The following AHCTF1 variants were observed in gnomAD, a reference collection of about 807,000 sequenced individuals.
AHCTF1 encodes the protein protein ELYS.
In AHCTF1, 24 loss-of-function variants were observed where a neutral mutation model predicts 248.4. The observed-to-expected ratio is 0.10, with a 90% confidence interval of 0.07 to 0.14. The LOEUF (loss-of-function observed/expected upper bound fraction) is 0.14, where lower values mean the gene tolerates loss of function less well. Ranked by LOEUF, AHCTF1 falls within the 10% of genes least tolerant of loss-of-function variation. The probability of loss-of-function intolerance (pLI) is 1.00; values close to 1 mark genes in which losing one functional copy is unlikely to be tolerated. For synonymous variants in AHCTF1, 786 were observed against 929.8 expected, an observed-to-expected ratio of 0.85 and a Z score of 2.81; for missense variants, 2,206 against 2,636.2, an observed-to-expected ratio of 0.84 and a Z score of 3.57.
At chr1:246,844,014 T>A in intron 33 of AHCTF1, 86 bp from the exon 34 acceptor site, 1 of 1,012,570 alleles carries the variant, frequency 9.9e-7, no homozygotes, top group Non-Finnish European at 1.3e-6. Flanking sequence ...ACAAATTATG[T>A]GTTTTAGAAA....
At chr1:246,921,855 G>A (rs1428913490) in intron 1 of AHCTF1, among the ~76,000 whole-genome samples, 1 of 152,254 alleles carries the variant, frequency 6.6e-6, no homozygotes, top group East Asian at 1.9e-4. Flanking sequence ...GAAGGCTTCA[G>A]GTAGAATAGA....
chr1:246,869,781 T>C lies in AHCTF1; in HGVS notation c.3089-1970A>G, dbSNP rs183267333. Among the ~76,000 whole-genome samples, 252 of 152,296 alleles carry C rather than the reference T, an allele frequency of 1.7e-3. 1 individual carries two copies. Among genetic ancestry groups the C allele is most frequent in the African/African-American group, 6.0e-3 (248 of 41,560 alleles). On this transcript the variant is annotated intron_variant, in intron 24 of 35. Coordinates refer to ENST00000648844, the MANE Select transcript of AHCTF1 (RefSeq NM_001323342.2). ...GCCCCTGGTCACCCAGGAGCCCTGA[T>C]GATGTACAGGGAGACGAATGCTGTT...
rs149307588 is a variant in AHCTF1, at chr1:246,857,179, T to A, written c.4256+512A>T. ...CTTGTTGCAGAACATAAACTGACAC[T>A]CTCACCAATCTGCTTGACCATACTT... is the stretch of plus-strand genomic sequence containing the variant. On this transcript the variant is annotated intron_variant, in intron 30 of 35. Transcript: ENST00000648844. Among the ~76,000 whole-genome samples, 593 of 152,324 alleles carry A rather than the reference T, an allele frequency of 3.9e-3. 3 individuals carry two copies. The highest frequency in any genetic ancestry group is 0.013 in the African/African-American group (541 of 41,560).
Position 246,889,983 on chromosome 1 carries a change from C to T in AHCTF1, c.2127G>A (p.Lys709=). 1 of 1,611,674 alleles carries T rather than the reference C, an allele frequency of 6.2e-7. No individual in the cohort carries two copies. Among genetic ancestry groups the T allele is most frequent in the Non-Finnish European group, 8.5e-7 (1 of 1,179,156 alleles). Residue 709 remains lysine, a synonymous_variant, in exon 17 of 36, where the codon AAG becomes AAA. Transcript: ENST00000648844. ...IQNYYTSRRQ[K]FERLSRGKWN... is the part of the protein sequence containing the mutation. ...TACTATACCTTGATAAACGCTCAAA[C>T]TTCTGTCGACGACTGGTGTAGTAGT...
At chr1:246,918,223 G>C in intron 2 of AHCTF1, 27 bp downstream of exon 2, 1 of 1,585,350 alleles carries the variant, frequency 6.3e-7, no homozygotes, top group Non-Finnish European at 8.6e-7. Context: ...AATTGTATTA[G>C]TAAATGTTCA....
chr1:246,917,105 T>C (rs1480335272), intron 2 of AHCTF1, among the ~76,000 whole-genome samples: 1 of 152,196 alleles, frequency 6.6e-6, no homozygotes, highest in Non-Finnish European at 1.5e-5. Flanking sequence ...TGTTTTTAAA[T>C]GTTACTCCAG....
At chr1:246,890,560 G>T (rs1292964874) in intron 16 of AHCTF1, among the ~76,000 whole-genome samples, 2 of 151,850 alleles carry the variant, frequency 1.3e-5, no homozygotes, top group African/African-American at 2.4e-5. Flanking sequence ...TAGATAAAAG[G>T]GGGTATTTAA....
At chr1:246,885,924 C>T (rs1007241381) in intron 20 of AHCTF1, among the ~76,000 whole-genome samples, 5 of 152,156 alleles carry the variant, frequency 3.3e-5, no homozygotes, top group Non-Finnish European at 5.9e-5. Context: ...CGGTGGCTCA[C>T]GCCTGTAATC....
At chr1:246,888,145 C>A in intron 19 of AHCTF1, 32 bp downstream of exon 19, 3 of 1,605,146 alleles carry the variant, frequency 1.9e-6, no homozygotes, top group Non-Finnish European at 2.6e-6. Context: ...TTTAGTAATA[C>A]ATGAAACACT....
At chr1:246,922,818 T>TA (rs1331270967) in intron 1 of AHCTF1, among the ~76,000 whole-genome samples, 1 of 149,954 alleles carries the variant, frequency 6.7e-6, no homozygotes, top group Non-Finnish European at 1.5e-5. Flanking sequence ...CTGTCTCTAC[T>TA]AAAAATACAA....
intron 34 of AHCTF1, 41 bp downstream of exon 34, chr1:246,843,754 A>G: frequency 4.8e-6 from 6 of 1,255,342 alleles, no homozygotes; most frequent in Non-Finnish European, 5.2e-6. Flanking sequence ...AAAAAAAAGT[A>G]TGTTTTAACA....
chr1:246,856,204 G>A (rs1661100401), intron 30 of AHCTF1, among the ~76,000 whole-genome samples: 1 of 152,122 alleles, frequency 6.6e-6, no homozygotes, highest in African/African-American at 2.4e-5. Flanking sequence ...TAGAGGCAAG[G>A]TTCAATATTT....
In AHCTF1 at chr1:246,905,194, A is replaced by G. The variant is rs544453844; in HGVS notation, c.881+347T>C. ...TAGACTACCTGTTCTATTTTTGACT[A>G]ATTTTTAAAGATTGTATGTATCAGG... On this transcript the variant is annotated intron_variant, in intron 6 of 35. Transcript: ENST00000648844. Among the ~76,000 whole-genome samples the G allele has an allele frequency of 2.3e-3, 350 of 152,310 alleles. 2 individuals are homozygous for G. Among genetic ancestry groups the G allele is most frequent in the Non-Finnish European group, 3.7e-3 (254 of 68,034 alleles).
At chr1:246,842,320 A>T (rs1330328949) in intron 35 of AHCTF1, among the ~76,000 whole-genome samples, 2 of 152,080 alleles carry the variant, frequency 1.3e-5, no homozygotes, top group African/African-American at 4.8e-5. Context: ...AGTGGCTCAC[A>T]CCTGTCATCC....
In AHCTF1 at chr1:246,857,730, C is replaced by T. The variant is rs1371660443; in HGVS notation, c.4217G>A (p.Gly1406Glu). 6.2e-7 allele frequency: 1 copy of T among 1,613,820 alleles called. No individual in the cohort carries two copies. The highest frequency in any genetic ancestry group is 8.5e-7 in the Non-Finnish European group (1 of 1,179,994). ...SELNHLSPVQ[G>E]TEASLCAPSV... The stretch of plus-strand genomic sequence containing the variant: ...TGGTGCACAAAGAGAAGCTTCAGTT[C>T]CTTGAACCGGGCTTAAGTGATTCAA... The change falls in exon 30 of 36, where the codon GGA becomes GAA. Residue 1406 changes from glycine (G) to glutamate (E), a missense_variant. Physicochemically the swap from Gly to Glu is moderately conservative, Grantham distance 98. Around this residue, in one of 6 missense-constraint regions of AHCTF1, gnomAD observed 955 missense variants for 1,055.6 expected, o/e 0.90. Transcript: ENST00000648844.
At chr1:246,879,218 A>G (rs1663214650) in intron 21 of AHCTF1, among the ~76,000 whole-genome samples, 1 of 152,212 alleles carries the variant, frequency 6.6e-6, no homozygotes, top group South Asian at 2.1e-4. Flanking sequence ...TTCCATTATT[A>G]TAGTGAGACC....
intron 20 of AHCTF1, 91 bp from the exon 21 acceptor site, chr1:246,885,771 C>A (rs1211876836): frequency 1.9e-5 from 23 of 1,195,488 alleles, no homozygotes; most frequent in Non-Finnish European, 2.5e-5. Context: ...CACAAAAATC[C>A]AGATAAGACT....
chr1:246,875,329 G>A lies in AHCTF1; in HGVS notation c.3088+708C>T, dbSNP rs945939144. Reference sequence around the variant, plus strand: ...CCTTCCCTCAGCTGGACACTGCTTTGGAGAATCCTCCCCGGTGTTGTCCTC... The same window carrying A: ...CCTTCCCTCAGCTGGACACTGCTTTAGAGAATCCTCCCCGGTGTTGTCCTC... On this transcript the variant is annotated intron_variant, in intron 24 of 35. Coordinates refer to ENST00000648844, the MANE Select transcript of AHCTF1 (RefSeq NM_001323342.2). Among the ~76,000 whole-genome samples the A allele has an allele frequency of 1.2e-4, 18 of 151,980 alleles. No individual in the cohort carries two copies. The East Asian group carries it at 3.3e-3, about 28-fold the overall frequency.
In AHCTF1 at chr1:246,902,203, T is replaced by C. The variant is rs148636241; in HGVS notation, c.1117+322A>G. On this transcript the variant is annotated intron_variant, in intron 8 of 35. Transcript: ENST00000648844. ...GAAAACATTCAAGACAACCAAGGCA[T>C]GTATGCCATACATGGCTCAAAAAAT... Among the ~76,000 whole-genome samples the C allele has an allele frequency of 2.5e-3, 384 of 152,298 alleles. 3 individuals are homozygous for C. The highest frequency in any genetic ancestry group is 8.8e-3 in the African/African-American group (364 of 41,562).
Sources: allele counts gnomAD v4.1 joint callset (sites outside exome capture counted in the v4.1 genomes callset), GRCh38; gene constraint gnomAD v4.1.1; regional missense constraint gnomAD v4.1.1; transcripts MANE v1.5; gene names NCBI Gene and HGNC (gene_info 2026-07-23, HGNC 2026-07-21).